The following CNIH3 variants were observed in gnomAD, a reference collection of about 807,000 sequenced individuals.
CNIH3 encodes the protein cornichon family AMPA receptor auxiliary protein 3.
CNIH3 carries 14 observed loss-of-function variants against 24.1 expected under a neutral mutation model. That is an observed-to-expected ratio of 0.58 (90% CI 0.38 to 0.91). CNIH3 has a LOEUF of 0.91. CNIH3 is among the 40% of genes least tolerant of loss of function. The pLI is 0.00. For synonymous variants in CNIH3, 68 were observed against 73.8 expected, an observed-to-expected ratio of 0.92 and a Z score of 0.40; for missense variants, 178 against 196.8, an observed-to-expected ratio of 0.90 and a Z score of 0.57.
At position 224,678,503 on chromosome 1, in the gene CNIH3, G is replaced by A. The variant is rs148521560; in HGVS notation, c.82-2455G>A. ...ACATTTACAACCTGAAACATCCGTG[G>A]TGGACAATCAGGATGATGAGGCAGC... On this transcript the variant is annotated intron_variant, in intron 1 of 5. Coordinates refer to ENST00000272133, the MANE Select transcript of CNIH3 (RefSeq NM_152495.2). Among the ~76,000 whole-genome samples the A allele has an allele frequency of 2.0e-4, 30 of 152,276 alleles. No homozygotes were observed. In the East Asian group the frequency reaches 3.7e-3, roughly 19 times the overall value.
intron 1 of CNIH3, among the ~76,000 whole-genome samples, chr1:224,617,672 T>G (rs536906239): frequency 6.6e-5 from 10 of 152,320 alleles, no homozygotes; most frequent in Non-Finnish European, 1.3e-4. Flanking sequence ...TGTGGTGGGT[T>G]GCATTTAGAT....
intron 3 of CNIH3, among the ~76,000 whole-genome samples, chr1:224,596,298 T>C (rs1248621552): frequency 6.6e-6 from 1 of 152,246 alleles, no homozygotes; most frequent in Non-Finnish European, 1.5e-5. Context: ...CTGCCTGTGC[T>C]CTCTAAGTGG....
intron 3 of CNIH3, among the ~76,000 whole-genome samples, chr1:224,702,820 T>C (rs1687574023): frequency 6.6e-6 from 1 of 152,156 alleles, no homozygotes; most frequent in South Asian, 2.1e-4. Context: ...ACCAAGATCC[T>C]AACTTCTCTT....
intron 1 of CNIH3, among the ~76,000 whole-genome samples, chr1:224,479,144 CTTTTTTTTTTTTTT>C (rs35188696): frequency 1.9e-5 from 1 of 53,692 alleles, no homozygotes; most frequent in African/African-American, 7.5e-5. Flanking sequence ...CCCCCAAAGT[CTTTTTTTTTTTTTT>C]TTTTTTTTTT....
intron 1 of CNIH3, among the ~76,000 whole-genome samples, chr1:224,638,605 A>G (rs1029069057): frequency 6.6e-6 from 1 of 152,168 alleles, no homozygotes; most frequent in African/African-American, 2.4e-5. Context: ...AGTGGTTCCC[A>G]TAGCTGGCAC....
At chr1:224,634,866 T>C (rs1255410515) in intron 1 of CNIH3, among the ~76,000 whole-genome samples, 1 of 152,184 alleles carries the variant, frequency 6.6e-6, no homozygotes, top group Admixed American at 6.5e-5. Flanking sequence ...TATGCCCCGC[T>C]GCATCCCCGC....
chr1:224,673,454 AT>A (rs1685972009), intron 1 of CNIH3, among the ~76,000 whole-genome samples: 1 of 151,926 alleles, frequency 6.6e-6, no homozygotes, highest in African/African-American at 2.4e-5. Flanking sequence ...TGCCAAGCTT[AT>A]TTCCTGCTTC....
intron 1 of CNIH3, among the ~76,000 whole-genome samples, chr1:224,632,590 G>T (rs6695864): frequency 0.24 from 37,113 of 151,944 alleles, 4,797 homozygotes; most frequent in East Asian, 0.37. Flanking sequence ...AAGAGCCACT[G>T]GGACGCAATA....
chr1:224,444,173 A>ATAC (rs1252973587), intron 1 of CNIH3, among the ~76,000 whole-genome samples: 1 of 152,088 alleles, frequency 6.6e-6, no homozygotes, highest in Non-Finnish European at 1.5e-5. Context: ...ACTTCGGTAT[A>ATAC]TAGCTCTAAA....
At chr1:224,646,031 C>T (rs1006410695) in intron 1 of CNIH3, among the ~76,000 whole-genome samples, 3 of 152,172 alleles carry the variant, frequency 2.0e-5, no homozygotes, top group African/African-American at 4.8e-5. Flanking sequence ...ATTTATTGAG[C>T]ACCCATTGAT....
At chr1:224,446,212 G>GTTTTTT (rs35812016) in intron 1 of CNIH3, among the ~76,000 whole-genome samples, 12 of 108,888 alleles carry the variant, frequency 1.1e-4, no homozygotes, top group African/African-American at 2.6e-4. Flanking sequence ...TTTCAACTTT[G>GTTTTTT]TTTTTTTTTT....
At chr1:224,454,011 C>T (rs1226068898) in intron 1 of CNIH3, among the ~76,000 whole-genome samples, 2 of 152,136 alleles carry the variant, frequency 1.3e-5, no homozygotes, top group Non-Finnish European at 2.9e-5. Context: ...TTGAACTGTT[C>T]TAGTAGGATG....
chr1:224,503,663 T>C lies in CNIH3; in HGVS notation n.204-12078T>C, dbSNP rs530884642. ...CTGGCAACCGCACAGGGCTGCCTGG[T>C]GTTTAGCAAGGGGAGGTGGAGTGTG... On this transcript the variant is annotated intron_variant and non_coding_transcript_variant, in intron 1 of 5. Coordinates refer to the CNIH3 transcript ENST00000471578. Among the ~76,000 whole-genome samples the C allele has an allele frequency of 4.6e-5, 7 of 152,278 alleles. No individual in the cohort carries two copies. The East Asian group carries it at 1.4e-3, about 29-fold the overall frequency.
At chr1:224,502,566 C>T (rs967773843) in intron 1 of CNIH3, among the ~76,000 whole-genome samples, 7 of 152,186 alleles carry the variant, frequency 4.6e-5, no homozygotes, top group Non-Finnish European at 8.8e-5. Flanking sequence ...ACCAGTGTAA[C>T]CTGCAGCGTG....
intron 1 of CNIH3, among the ~76,000 whole-genome samples, chr1:224,506,754 A>G (rs1426216489): frequency 2.6e-5 from 4 of 152,190 alleles, no homozygotes; most frequent in Non-Finnish European, 5.9e-5. Context: ...ATGTTAAGCA[A>G]TTAGACCATG....
At position 224,440,962 on chromosome 1, in the gene CNIH3, G is replaced by A. The variant is rs560916814; in HGVS notation, n.203+6100G>A. Among the ~76,000 whole-genome samples the A allele has an allele frequency of 1.7e-4, 26 of 152,078 alleles. No individual in the cohort carries two copies. In the East Asian group the frequency reaches 4.8e-3, roughly 28 times the overall value. ...CTCCCGAGTAGCTGGGACTACAGGC[G>A]TCCGCCACCATGCCCGGCTAATTTT... On this transcript the variant is annotated intron_variant and non_coding_transcript_variant, in intron 1 of 5. Coordinates refer to the CNIH3 transcript ENST00000471578.
chr1:224,670,973 C>G (rs574796445), intron 1 of CNIH3, among the ~76,000 whole-genome samples: 116 of 152,284 alleles, frequency 7.6e-4, no homozygotes, highest in Non-Finnish European at 1.4e-3. Context: ...CATAGGTGGG[C>G]CTCATCCAAT....
chr1:224,661,692 T>G (rs1164740704), intron 1 of CNIH3: 1 of 201,510 alleles, frequency 5.0e-6, no homozygotes, highest in African/African-American at 2.4e-5. Context: ...TGGTTTAATA[T>G]AAATTAAGCT....
intron 2 of CNIH3, among the ~76,000 whole-genome samples, chr1:224,683,304 T>G (rs1686492705): frequency 6.6e-6 from 1 of 152,158 alleles, no homozygotes; most frequent in African/African-American, 2.4e-5. Context: ...AAGACTCTTG[T>G]CTCAGATTAA....
Sources: allele counts gnomAD v4.1 joint callset (sites outside exome capture counted in the v4.1 genomes callset), GRCh38; gene constraint gnomAD v4.1.1; transcripts MANE v1.5; gene names NCBI Gene and HGNC (gene_info 2026-07-23, HGNC 2026-07-21).